RABGAP1L: variants seen among roughly 807,000 people sequenced by gnomAD.
RABGAP1L encodes RAB GTPase activating protein 1 like, also known as rab GTPase-activating protein 1-like.
Under a neutral mutation model 137.7 loss-of-function variants are expected in RABGAP1L, and 63 were observed. The observed-to-expected ratio is 0.46, with a 90% CI of 0.37 to 0.56. The LOEUF (loss-of-function observed/expected upper bound fraction) is 0.56. RABGAP1L is among the 20% of genes least tolerant of loss of function. The probability of loss-of-function intolerance (pLI) is 0.00; values close to 1 mark genes in which losing one functional copy is unlikely to be tolerated. For missense variants in RABGAP1L, 1,095 were observed against 1,244.0 expected, an observed-to-expected ratio of 0.88 and a Z score of 1.80; for synonymous variants, 431 against 433.7, an observed-to-expected ratio of 0.99 and a Z score of 0.08.
chr1:174,446,018 C>T (rs1654721300), intron 13 of RABGAP1L, among the ~76,000 whole-genome samples: 7 of 152,174 alleles, frequency 4.6e-5, no homozygotes, highest in Admixed American at 2.6e-4. Context: ...TAGCCATTGG[C>T]TGTGCTGTTG....
Position 174,611,762 on chromosome 1 carries a change from G to C in RABGAP1L, c.1711-25613G>C, listed in dbSNP as rs562544556. Reference sequence around the variant, plus strand: ...AGTGGTTTGTAGTTCTCCTTGAAGAGGTCCTTCACGTCCCTTTTAAGTTGG... The same window carrying C: ...AGTGGTTTGTAGTTCTCCTTGAAGACGTCCTTCACGTCCCTTTTAAGTTGG... On this transcript the variant is annotated intron_variant, in intron 13 of 25. Transcript: ENST00000681986. 9.5e-3 allele frequency among the ~76,000 whole-genome samples: 1,452 copies of C among 152,124 alleles called. 16 individuals carry two copies. The highest frequency in any genetic ancestry group is 0.015 in the Non-Finnish European group (1,018 of 68,012).
intron 19 of RABGAP1L, among the ~76,000 whole-genome samples, chr1:174,876,989 A>G (rs772605938): frequency 2.0e-5 from 3 of 152,262 alleles, no homozygotes; most frequent in Non-Finnish European, 2.9e-5. Flanking sequence ...TAAGATTACG[A>G]AAAAATAAGC....
At chr1:174,267,199 T>G (rs1395988475) in intron 7 of RABGAP1L, among the ~76,000 whole-genome samples, 1 of 152,216 alleles carries the variant, frequency 6.6e-6, no homozygotes, top group Non-Finnish European at 1.5e-5. Flanking sequence ...GACTGGAGAT[T>G]ATGCAATTTC....
At position 174,488,104 on chromosome 1, in the gene RABGAP1L, G is replaced by A. The variant is rs140263302; in HGVS notation, c.1710+93959G>A. Among the ~76,000 whole-genome samples the A allele has an allele frequency of 5.0e-4, 76 of 151,996 alleles. 1 individual carries two copies. Among genetic ancestry groups the A allele is most frequent in the African/African-American group, 1.7e-3 (72 of 41,502 alleles). ...ATAATATTCTGTGGGGTTTTTTTCT[G>A]TGTATTTACTGTTACTAGTGAGTTT... On this transcript the variant is annotated intron_variant, in intron 13 of 25. Coordinates refer to ENST00000681986, the MANE Select transcript of RABGAP1L (RefSeq NM_001366446.1).
intron 17 of RABGAP1L, among the ~76,000 whole-genome samples, chr1:174,734,152 A>T (rs1345671233): frequency 6.6e-6 from 1 of 152,242 alleles, no homozygotes; most frequent in African/African-American, 2.4e-5. Context: ...TTTGATTCCT[A>T]TTAGGACATC....
At chr1:174,231,009 A>C (rs899355943) in intron 3 of RABGAP1L, 136 bp from the exon 4 acceptor site, 8 of 606,930 alleles carry the variant, frequency 1.3e-5, no homozygotes, top group Admixed American at 3.2e-5. Context: ...AAAATTTTAA[A>C]ATATAAAAGG....
intron 7 of RABGAP1L, among the ~76,000 whole-genome samples, chr1:174,255,137 T>C (rs899572299): frequency 7.9e-5 from 12 of 152,218 alleles, no homozygotes; most frequent in African/African-American, 2.7e-4. Context: ...AAATGTCTTC[T>C]TTTGAGAGGC....
At chr1:174,469,925 C>T (rs893545411) in intron 13 of RABGAP1L, among the ~76,000 whole-genome samples, 1 of 151,884 alleles carries the variant, frequency 6.6e-6, no homozygotes, top group African/African-American at 2.4e-5. Context: ...GGGAACTAGG[C>T]ACTGTAGAGC....
At chr1:174,680,609 A>G (rs1203585748) in intron 14 of RABGAP1L, among the ~76,000 whole-genome samples, 1 of 152,222 alleles carries the variant, frequency 6.6e-6, no homozygotes, top group Non-Finnish European at 1.5e-5. Flanking sequence ...TAATGAGATG[A>G]ACAACTCAAT....
At chr1:174,945,776 T>C (rs1174048417) in intron 19 of RABGAP1L, 1 of 152,176 alleles carries the variant, frequency 6.6e-6, no homozygotes, top group East Asian at 1.9e-4. Flanking sequence ...TCAGTGAAGA[T>C]GTAGGCCTCA....
intron 11 of RABGAP1L, among the ~76,000 whole-genome samples, chr1:174,349,381 G>T (rs1434875832): frequency 7.6e-6 from 1 of 132,106 alleles, no homozygotes; most frequent in Non-Finnish European, 1.6e-5. Flanking sequence ...CCTCCCTCCC[G>T]GACGGGGCGG....
intron 4 of RABGAP1L, among the ~76,000 whole-genome samples, chr1:174,234,363 A>T (rs1369456795): frequency 1.5e-5 from 2 of 132,546 alleles, no homozygotes; most frequent in Admixed American, 7.3e-5. Flanking sequence ...CTGAATGGTA[A>T]TGCCTAGGTT....
At chr1:174,383,208 A>G (rs1427102975) in intron 12 of RABGAP1L, among the ~76,000 whole-genome samples, 1 of 143,492 alleles carries the variant, frequency 7.0e-6, no homozygotes, top group Non-Finnish European at 1.5e-5. Context: ...TCAGACAGGG[A>G]CATTTAAGTC....
intron 1 of RABGAP1L, among the ~76,000 whole-genome samples, chr1:174,169,482 A>G (rs1212457372): frequency 6.6e-6 from 1 of 152,144 alleles, no homozygotes; most frequent in East Asian, 1.9e-4. Context: ...GGCCTCCCAA[A>G]GTGCTGGGAT....
chr1:174,803,745 A>C (rs1398072791), intron 18 of RABGAP1L, among the ~76,000 whole-genome samples: 1 of 152,174 alleles, frequency 6.6e-6, no homozygotes, highest in Non-Finnish European at 1.5e-5. Flanking sequence ...ATACTCAAAC[A>C]GTGGAAATAT....
intron 13 of RABGAP1L, among the ~76,000 whole-genome samples, chr1:174,604,948 C>T (rs530404691): frequency 6.6e-6 from 1 of 152,088 alleles, no homozygotes; most frequent in Non-Finnish European, 1.5e-5. Context: ...TTTCACCAGC[C>T]TGGCCAACAT....
In RABGAP1L at chr1:174,992,906, T is replaced by C. The variant is rs1268362012; in HGVS notation, c.*2905T>C. ...GAAAGTTTCAAAACATTCTAGTGTT[T>C]TTCATCCTTTGCTAGGATGCACTCT... On this transcript the variant is annotated 3_prime_UTR_variant, in exon 26 of 26. Coordinates refer to ENST00000681986, the MANE Select transcript of RABGAP1L (RefSeq NM_001366446.1). 6.6e-6 allele frequency: 1 copy of C among 152,224 alleles called. No homozygotes were observed. Among genetic ancestry groups the C allele is most frequent in the Non-Finnish European group, 1.5e-5 (1 of 68,032 alleles). The allele number at this position is 152,224 out of a possible 1,614,324, so 9.4% of individuals were successfully genotyped here.
intron 19 of RABGAP1L, among the ~76,000 whole-genome samples, chr1:174,867,786 C>T (rs773100773): frequency 3.9e-5 from 6 of 152,132 alleles, no homozygotes; most frequent in South Asian, 2.1e-4. Context: ...GCTGGGATTA[C>T]AGGTGCATGC....
intron 4 of RABGAP1L, among the ~76,000 whole-genome samples, chr1:174,233,344 C>T (rs1404956064): frequency 6.6e-6 from 1 of 151,052 alleles, no homozygotes; most frequent in Non-Finnish European, 1.5e-5. Flanking sequence ...ATACATGTGC[C>T]ATGCTGGTGC....
Sources: allele counts gnomAD v4.1 joint callset (sites outside exome capture counted in the v4.1 genomes callset), GRCh38; gene constraint gnomAD v4.1.1; transcripts MANE v1.5; gene names NCBI Gene and HGNC (gene_info 2026-07-23, HGNC 2026-07-21).